UST: variants seen among roughly 807,000 people sequenced by gnomAD.
UST encodes the protein uronyl 2-sulfotransferase.
UST carries 21 observed loss-of-function variants against 45.6 expected under a neutral mutation model. The ratio of observed to expected loss-of-function variants is 0.46; its 90% CI spans 0.33 to 0.66. The LOEUF is 0.66. Among genes scored for constraint, UST ranks in the 30% least tolerant of loss-of-function variants. The probability of loss-of-function intolerance (pLI) is 0.02; values close to 1 mark genes in which losing one functional copy is unlikely to be tolerated. For synonymous variants in UST, 215 were observed against 200.6 expected (o/e 1.07, Z -0.61); for missense variants, 463 against 512.4 (o/e 0.90, Z 0.93).
intron 7 of UST, among the ~76,000 whole-genome samples, chr6:149,028,272 T>G (rs952840039): frequency 2.0e-5 from 3 of 152,218 alleles, no homozygotes; most frequent in Admixed American, 2.0e-4. Flanking sequence ...CCCATCTGGA[T>G]AAGATGCATA....
intron 5 of UST, chr6:148,990,371 A>G: frequency 1.0e-6 from 1 of 984,842 alleles, no homozygotes; most frequent in Non-Finnish European, 1.2e-6. Flanking sequence ...TTAAATCCAA[A>G]TAGTTAAGCA....
chr6:148,988,435 A>T (rs1781276076), intron 5 of UST, among the ~76,000 whole-genome samples: 1 of 151,956 alleles, frequency 6.6e-6, no homozygotes, highest in African/African-American at 2.4e-5. Context: ...GTAGCCCAGC[A>T]TGGTGGCGTG....
intron 5 of UST, among the ~76,000 whole-genome samples, chr6:148,980,086 A>G (rs935541600): frequency 2.6e-5 from 4 of 152,106 alleles, no homozygotes; most frequent in Non-Finnish European, 5.9e-5. Flanking sequence ...TCAAGGACTC[A>G]CAGTCTCTCT....
intron 5 of UST, among the ~76,000 whole-genome samples, chr6:149,012,610 C>T (rs532806467): frequency 2.9e-4 from 44 of 152,224 alleles, no homozygotes; most frequent in African/African-American, 1.1e-3. Flanking sequence ...CTTTTTATAT[C>T]ATCGTGTTAC....
At chr6:148,912,517 G>A (rs1779496164) in intron 2 of UST, among the ~76,000 whole-genome samples, 1 of 152,224 alleles carries the variant, frequency 6.6e-6, no homozygotes, top group African/African-American at 2.4e-5. Context: ...TGCAGTTTAA[G>A]AGAACACAAG....
intron 7 of UST, among the ~76,000 whole-genome samples, chr6:149,033,602 A>AT (rs1311423506): frequency 3.3e-5 from 5 of 152,144 alleles, no homozygotes; most frequent in African/African-American, 1.2e-4. Flanking sequence ...GCATAGAAAA[A>AT]TCCAACATAA....
At chr6:149,050,093 G>A (rs1191594309) in intron 7 of UST, among the ~76,000 whole-genome samples, 3 of 152,106 alleles carry the variant, frequency 2.0e-5, no homozygotes, top group East Asian at 3.9e-4. Flanking sequence ...TATGAACTAC[G>A]GTACAAACAC....
chr6:148,924,780 G>A (rs555230928), intron 2 of UST, among the ~76,000 whole-genome samples: 32 of 152,216 alleles, frequency 2.1e-4, no homozygotes, highest in African/African-American at 7.2e-4. Context: ...TAGCTCTTGG[G>A]CCTCTCCTGG....
chr6:148,791,848 C>T (rs963239714), intron 1 of UST, among the ~76,000 whole-genome samples: 1 of 152,280 alleles, frequency 6.6e-6, no homozygotes, highest in Non-Finnish European at 1.5e-5. Context: ...TCTATCAGCA[C>T]AAAACTCAGT....
At chr6:148,859,110 T>C (rs1274213493) in intron 1 of UST, among the ~76,000 whole-genome samples, 5 of 151,728 alleles carry the variant, frequency 3.3e-5, no homozygotes, top group South Asian at 2.1e-4. Context: ...TTTACAGTCC[T>C]ACCAACAGTG....
At chr6:148,993,967 T>G (rs1781402011) in intron 5 of UST, among the ~76,000 whole-genome samples, 1 of 131,518 alleles carries the variant, frequency 7.6e-6, no homozygotes, top group Non-Finnish European at 1.6e-5. Context: ...TTTTTTTTTT[T>G]TTTTTTTTTT....
At chr6:148,861,147 G>A (rs1778304426) in intron 1 of UST, among the ~76,000 whole-genome samples, 3 of 152,104 alleles carry the variant, frequency 2.0e-5, no homozygotes, top group Admixed American at 1.3e-4. Flanking sequence ...TGGTTGGTAG[G>A]CTATTAATTA....
intron 7 of UST, among the ~76,000 whole-genome samples, chr6:149,067,416 C>A (rs752320319): frequency 9.2e-5 from 14 of 152,140 alleles, no homozygotes; most frequent in Admixed American, 1.3e-4. Flanking sequence ...CCATATTTGG[C>A]GGTCACCCTC....
At chr6:148,849,101 G>C (rs1243333562) in intron 1 of UST, among the ~76,000 whole-genome samples, 1 of 152,126 alleles carries the variant, frequency 6.6e-6, no homozygotes, top group Non-Finnish European at 1.5e-5. Context: ...TGGATGAGTG[G>C]GCGGTGCCTG....
intron 1 of UST, among the ~76,000 whole-genome samples, chr6:148,772,343 G>C (rs1455633899): frequency 2.6e-5 from 4 of 152,080 alleles, no homozygotes; most frequent in African/African-American, 9.7e-5. Context: ...GCGATGTGCT[G>C]GTTCCTTCTT....
chr6:148,902,956 TC>T (rs1779288336), intron 2 of UST, among the ~76,000 whole-genome samples: 1 of 152,174 alleles, frequency 6.6e-6, no homozygotes, highest in African/African-American at 2.4e-5. Context: ...CCATACGGGG[TC>T]TTTACATTTC....
intron 5 of UST, among the ~76,000 whole-genome samples, chr6:148,974,875 T>C (rs1011459517): frequency 6.6e-6 from 1 of 152,194 alleles, no homozygotes; most frequent in Non-Finnish European, 1.5e-5. Context: ...AGAGGTGAAA[T>C]AACACTGGTT....
intron 5 of UST, among the ~76,000 whole-genome samples, chr6:148,995,245 A>G (rs2114997040): frequency 6.6e-6 from 1 of 152,180 alleles, no homozygotes; most frequent in Non-Finnish European, 1.5e-5. Context: ...CTGGTCTCGA[A>G]CTCCTGGCCT....
At chr6:148,914,071 C>T (rs1287373367) in intron 2 of UST, among the ~76,000 whole-genome samples, 2 of 152,162 alleles carry the variant, frequency 1.3e-5, no homozygotes, top group Admixed American at 1.3e-4. Flanking sequence ...ATACAACTTG[C>T]TCTTGGACTT....
Sources: allele counts gnomAD v4.1 joint callset (sites outside exome capture counted in the v4.1 genomes callset), GRCh38; gene constraint gnomAD v4.1.1; transcripts MANE v1.5; gene names NCBI Gene and HGNC (gene_info 2026-07-23, HGNC 2026-07-21).